The following SYT1 variants were observed in gnomAD, a reference collection of about 807,000 sequenced individuals.
SYT1 encodes the protein synaptotagmin 1.
SYT1 carries 8 observed loss-of-function variants against 44.8 expected under a neutral mutation model. The observed-to-expected ratio is 0.18, with a 90% CI of 0.10 to 0.32. The LOEUF is 0.32. Among genes scored for constraint, SYT1 ranks in the 10% least tolerant of loss-of-function variants. The pLI, the probability that SYT1 is intolerant of heterozygous loss-of-function variation, is 1.00. For missense variants in SYT1, 286 were observed against 509.3 expected, an observed-to-expected ratio of 0.56 and a Z score of 4.22; for synonymous variants, 154 against 188.8, an observed-to-expected ratio of 0.82 and a Z score of 1.51.
At chr12:79,287,155 A>G (rs1879352838) in intron 5 of SYT1, among the ~76,000 whole-genome samples, 1 of 152,146 alleles carries the variant, frequency 6.6e-6, no homozygotes, top group Admixed American at 6.6e-5. Flanking sequence ...ATTGATAATA[A>G]TTTCACAAAG....
At chr12:79,355,264 G>A (rs940451732) in intron 9 of SYT1, among the ~76,000 whole-genome samples, 5 of 152,086 alleles carry the variant, frequency 3.3e-5, no homozygotes, top group Admixed American at 6.6e-5. Flanking sequence ...TGTATAGTGA[G>A]GTTATTGCTA....
intron 2 of SYT1, among the ~76,000 whole-genome samples, chr12:79,028,290 G>A (rs1160869666): frequency 6.6e-6 from 1 of 151,382 alleles, no homozygotes; most frequent in Non-Finnish European, 1.5e-5. Context: ...CTGTTTTTAA[G>A]CATAATCTTC....
intron 3 of SYT1, among the ~76,000 whole-genome samples, chr12:79,075,467 A>G (rs1876577818): frequency 1.3e-5 from 2 of 152,140 alleles, no homozygotes; most frequent in African/African-American, 2.4e-5. Flanking sequence ...TTCCTGATAT[A>G]AGGAAATAGA....
chr12:79,317,083 C>G (rs1288001221), intron 8 of SYT1, among the ~76,000 whole-genome samples: 2 of 152,132 alleles, frequency 1.3e-5, no homozygotes, highest in Non-Finnish European at 2.9e-5. Context: ...TCGGATACAT[C>G]GAGTAGCTAT....
At chr12:78,925,068 G>A (rs1265308836) in intron 1 of SYT1, among the ~76,000 whole-genome samples, 1 of 151,830 alleles carries the variant, frequency 6.6e-6, no homozygotes, top group Admixed American at 6.6e-5. Context: ...GAGTATATGT[G>A]TCACTACATA....
chr12:79,085,655 A>T (rs2137973576), intron 3 of SYT1, among the ~76,000 whole-genome samples: 1 of 152,282 alleles, frequency 6.6e-6, no homozygotes, highest in Non-Finnish European at 1.5e-5. Flanking sequence ...GAGTAGGACC[A>T]TAACACCTGG....
intron 3 of SYT1, among the ~76,000 whole-genome samples, chr12:79,062,011 G>A (rs1236698266): frequency 1.3e-4 from 20 of 152,152 alleles, no homozygotes; most frequent in Admixed American, 1.2e-3. Context: ...ATGAGCTTAT[G>A]CTAGCTTATT....
chr12:79,061,616 A>G (rs573091548), intron 3 of SYT1, among the ~76,000 whole-genome samples: 8 of 152,258 alleles, frequency 5.3e-5, no homozygotes, highest in African/African-American at 1.9e-4. Context: ...GGCATTTTTA[A>G]CTAATTAAAA....
chr12:79,213,775 A>G (rs1468970236), intron 3 of SYT1, among the ~76,000 whole-genome samples: 1 of 152,164 alleles, frequency 6.6e-6, no homozygotes, highest in African/African-American at 2.4e-5. Flanking sequence ...AAATACAAAA[A>G]TTAGTCAGGT....
chr12:79,000,772 G>A (rs1222721941), intron 2 of SYT1, among the ~76,000 whole-genome samples: 2 of 151,894 alleles, frequency 1.3e-5, no homozygotes, highest in African/African-American at 4.8e-5. Context: ...TTTGTTTGGG[G>A]AAGAAACTTT....
intron 9 of SYT1, among the ~76,000 whole-genome samples, chr12:79,380,090 A>G (rs1884154171): frequency 6.6e-6 from 1 of 152,224 alleles, no homozygotes; most frequent in South Asian, 2.1e-4. Context: ...ATTTTACTGA[A>G]AAAGATTCCA....
At chr12:79,025,093 C>T (rs983088599) in intron 2 of SYT1, among the ~76,000 whole-genome samples, 2 of 151,598 alleles carry the variant, frequency 1.3e-5, no homozygotes, top group Non-Finnish European at 2.9e-5. Flanking sequence ...TTGTGAATAC[C>T]AAGTGTTGAT....
intron 3 of SYT1, among the ~76,000 whole-genome samples, chr12:79,167,745 A>C (rs1871298380): frequency 6.6e-6 from 1 of 152,056 alleles, no homozygotes; most frequent in Admixed American, 6.6e-5. Context: ...TTATGCTTAT[A>C]GTGTAATACA....
intron 2 of SYT1, among the ~76,000 whole-genome samples, chr12:78,987,636 C>G (rs1415306634): frequency 6.6e-6 from 1 of 151,992 alleles, no homozygotes; most frequent in Non-Finnish European, 1.5e-5. Context: ...GCCTACAGTA[C>G]TCTGCATACA....
At chr12:79,333,712 A>G (rs1881962399) in intron 8 of SYT1, among the ~76,000 whole-genome samples, 1 of 152,140 alleles carries the variant, frequency 6.6e-6, no homozygotes, top group African/African-American at 2.4e-5. Flanking sequence ...AAATATTGGC[A>G]TCTTTCATTT....
intron 4 of SYT1, among the ~76,000 whole-genome samples, chr12:79,280,246 T>C (rs2138807735): frequency 6.6e-6 from 1 of 152,190 alleles, no homozygotes; most frequent in South Asian, 2.1e-4. Flanking sequence ...AAAATTATAC[T>C]ACAAGGCTCT....
chr12:78,948,335 A>T (rs1878780122), intron 1 of SYT1, among the ~76,000 whole-genome samples: 1 of 152,054 alleles, frequency 6.6e-6, no homozygotes, highest in Admixed American at 6.6e-5. Flanking sequence ...GCTTGTAAGA[A>T]ACATTTAAGT....
At chr12:78,977,438 A>G (rs148424799) in intron 1 of SYT1, 1 of 152,364 alleles carries the variant, frequency 6.6e-6, no homozygotes, top group Non-Finnish European at 1.5e-5. Flanking sequence ...TGAATTGCTT[A>G]GATAATTCCC....
chr12:79,358,044 T>C (rs759323365), intron 9 of SYT1, among the ~76,000 whole-genome samples: 19 of 152,234 alleles, frequency 1.2e-4, no homozygotes, highest in Non-Finnish European at 1.9e-4. Context: ...GATACGTTGC[T>C]ACTTGTCCCT....
Sources: gnomAD v4.1 joint callset for allele counts (sites outside exome capture counted in the v4.1 genomes callset) on GRCh38, gnomAD v4.1.1 for gene constraint, MANE v1.5 for transcripts, NCBI Gene and HGNC (gene_info 2026-07-23, HGNC 2026-07-21) for gene names.